Variants in FRMPD4 observed in about 807,000 individuals in gnomAD.
FRMPD4 encodes the protein FERM and PDZ domain containing 4.
Under a neutral mutation model 94.1 loss-of-function variants are expected in FRMPD4, and 22 were observed. That is an observed-to-expected ratio of 0.23 (90% CI 0.17 to 0.33). The LOEUF is 0.33. Ranked by LOEUF, FRMPD4 falls within the 10% of genes least tolerant of loss-of-function variation. The pLI, the probability that FRMPD4 is intolerant of heterozygous loss-of-function variation, is 1.00. For missense variants in FRMPD4, 1,111 were observed against 1,339.9 expected (o/e 0.83, Z 2.67); for synonymous variants, 631 against 548.6 (o/e 1.15, Z -2.10).
At chrX:12,590,801 G>A (rs1034504281) in intron 2 of FRMPD4, among the ~76,000 whole-genome samples, 1 of 111,524 alleles carries the variant, frequency 9.0e-6, no homozygotes, top group Non-Finnish European at 1.9e-5. Flanking sequence ...CTGGAGTAAA[G>A]CTCCAATTTA....
At chrX:12,660,398 A>T (rs745822627) in intron 4 of FRMPD4, among the ~76,000 whole-genome samples, 3 of 111,447 alleles carry the variant, frequency 2.7e-5, no homozygotes, top group Non-Finnish European at 5.7e-5. Context: ...CCCATTCTCC[A>T]CAAGTCCATA....
At chrX:12,388,818 GAT>G (rs3068660) in intron 1 of FRMPD4, among the ~76,000 whole-genome samples, 21,833 of 60,269 alleles carry the variant, frequency 0.36, 3,268 homozygotes, top group East Asian at 0.57. Flanking sequence ...AAGAAAATGT[GAT>G]ATATATATAT....
At chrX:12,485,095 A>AGTGTAGTTTGTACAAGGC (rs1569295945) in intron 1 of FRMPD4, among the ~76,000 whole-genome samples, 4 of 112,342 alleles carry the variant, frequency 3.6e-5, no homozygotes, top group African/African-American at 1.3e-4. Flanking sequence ...GGCCAAGGCC[A>AGTGTAGTTTGTACAAGGC]CCGGATGTAG....
At chrX:12,486,285 G>A (rs2057738391) in intron 1 of FRMPD4, among the ~76,000 whole-genome samples, 1 of 111,638 alleles carries the variant, frequency 9.0e-6, no homozygotes, top group South Asian at 3.8e-4. Flanking sequence ...CACCACCTGG[G>A]AGCCCATTAA....
chrX:11,832,720 G>A (rs1335143976), intron 1 of FRMPD4, among the ~76,000 whole-genome samples: 1 of 111,522 alleles, frequency 9.0e-6, no homozygotes, highest in Non-Finnish European at 1.9e-5. Flanking sequence ...CAGCAAAGTT[G>A]GGTGGAAAGT....
rs145918986 is a variant in FRMPD4, at chrX:12,470,704, C to T, written c.42-27976C>T. On this transcript the variant is annotated intron_variant, in intron 1 of 16. Transcript: ENST00000675598. ...AGATAGAAAATTCTCTCCAAAATTC[C>T]CTCGGGACAATATATTTATATTTTC... is the stretch of plus-strand genomic sequence containing the variant. Among the ~76,000 whole-genome samples the T allele has an allele frequency of 1.9e-3, 217 of 111,598 alleles. 1 individual carries two copies. Among genetic ancestry groups the T allele is most frequent in the African/African-American group, 6.7e-3 (207 of 30,766 alleles).
At chrX:12,669,409 A>G (rs893035841) in intron 4 of FRMPD4, among the ~76,000 whole-genome samples, 23 of 84,059 alleles carry the variant, frequency 2.7e-4, no homozygotes, top group Non-Finnish European at 6.0e-4. Flanking sequence ...CATGAAAAAG[A>G]TGACCAAGCT....
At chrX:12,515,998 T>G (rs1424709264) in intron 2 of FRMPD4, among the ~76,000 whole-genome samples, 1 of 112,124 alleles carries the variant, frequency 8.9e-6, no homozygotes, top group Non-Finnish European at 1.9e-5. Flanking sequence ...AAAGTCTGTT[T>G]TATCAGAAAT....
At chrX:12,072,004 A>T (rs1251718519) in intron 3 of FRMPD4, among the ~76,000 whole-genome samples, 1 of 111,073 alleles carries the variant, frequency 9.0e-6, no homozygotes, top group African/African-American at 3.3e-5. Flanking sequence ...TTATTAATTT[A>T]TTTAGAGCCA....
Position 12,352,012 on chromosome X carries a change from A to G in FRMPD4, c.42-146668A>G, listed in dbSNP as rs375286568. Among the ~76,000 whole-genome samples the G allele has an allele frequency of 5.0e-4, 56 of 111,978 alleles. No homozygotes were observed. In the South Asian group the frequency reaches 0.021, roughly 41 times the overall value. On this transcript the variant is annotated intron_variant, in intron 1 of 16. Coordinates refer to ENST00000675598, the MANE Select transcript of FRMPD4 (RefSeq NM_001368397.1). ...GTCTGTGTATTTGTGTTGGGTACAT[A>G]TCTAGGAGTGTCATTGTTGAGCCAA...
intron 1 of FRMPD4, among the ~76,000 whole-genome samples, chrX:12,417,949 G>A (rs1412367853): frequency 1.5e-4 from 15 of 98,486 alleles, no homozygotes; most frequent in East Asian, 3.2e-4. Flanking sequence ...AGCCAAGTTC[G>A]TGCCACTGCA....
intron 3 of FRMPD4, among the ~76,000 whole-genome samples, chrX:11,945,784 C>T (rs1398666010): frequency 9.0e-6 from 1 of 111,439 alleles, no homozygotes; most frequent in Admixed American, 9.5e-5. Context: ...TCATGAAAGA[C>T]CCACCCCCAT....
At chrX:12,702,570 T>C (rs936515798) in intron 10 of FRMPD4, among the ~76,000 whole-genome samples, 1 of 112,123 alleles carries the variant, frequency 8.9e-6, no homozygotes, top group Non-Finnish European at 1.9e-5. Flanking sequence ...AAAAGATGTA[T>C]AAACTAATTA....
chrX:12,120,995 A>G (rs961603364), intron 3 of FRMPD4, among the ~76,000 whole-genome samples: 9 of 108,940 alleles, frequency 8.3e-5, no homozygotes, highest in African/African-American at 2.3e-4. Flanking sequence ...TATAATAATA[A>G]TACTAATTTT....
At chrX:12,258,674 A>C (rs1421272507) in intron 1 of FRMPD4, among the ~76,000 whole-genome samples, 1 of 111,330 alleles carries the variant, frequency 9.0e-6, no homozygotes, top group African/African-American at 3.3e-5. Context: ...TTTTATTATT[A>C]TTACTTTTTA....
chrX:12,592,989 A>C (rs1050403662), intron 2 of FRMPD4, among the ~76,000 whole-genome samples: 1 of 111,464 alleles, frequency 9.0e-6, no homozygotes, highest in African/African-American at 3.3e-5. Flanking sequence ...TTTCTCCTCA[A>C]TTCTTCCTCC....
chrX:11,910,951 A>C (rs1488180769), intron 3 of FRMPD4, among the ~76,000 whole-genome samples: 1 of 110,825 alleles, frequency 9.0e-6, no homozygotes. Flanking sequence ...AAAAAAAAAA[A>C]CATCTTCCAA....
intron 1 of FRMPD4, among the ~76,000 whole-genome samples, chrX:12,378,229 G>A (rs908766133): frequency 1.8e-5 from 2 of 112,308 alleles, no homozygotes; most frequent in Admixed American, 1.9e-4. Flanking sequence ...CCTCTGGAGA[G>A]GAAATTGGTA....
chrX:12,227,804 G>GA (rs1279093169), intron 1 of FRMPD4, among the ~76,000 whole-genome samples: 6 of 96,904 alleles, frequency 6.2e-5, no homozygotes, highest in Admixed American at 1.2e-4. Flanking sequence ...CTGTCTTAAA[G>GA]AAAAAAAAGA....
Sources: allele counts gnomAD v4.1 joint callset (sites outside exome capture counted in the v4.1 genomes callset), GRCh38; gene constraint gnomAD v4.1.1; transcripts MANE v1.5; gene names NCBI Gene and HGNC (gene_info 2026-07-23, HGNC 2026-07-21).